LRP1B: variants seen among roughly 807,000 people sequenced by gnomAD.
LRP1B encodes LDL receptor related protein 1B, also known as low-density lipoprotein receptor-related protein 1B.
In LRP1B, 217 loss-of-function variants were observed where a neutral mutation model predicts 556.6. The ratio of observed to expected loss-of-function variants is 0.39; its 90% CI spans 0.35 to 0.44. The LOEUF is 0.44. Ranked by LOEUF, LRP1B falls within the 20% of genes least tolerant of loss-of-function variation. LRP1B has a pLI of 1.00. For missense variants in LRP1B, 5,053 were observed against 5,620.8 expected (o/e 0.90, Z 3.23); for synonymous variants, 2,047 against 1,865.8 (o/e 1.10, Z -2.50).
intron 5 of LRP1B, among the ~76,000 whole-genome samples, chr2:141,232,857 T>C (rs777226828): frequency 2.0e-5 from 3 of 152,116 alleles, no homozygotes; most frequent in Non-Finnish European, 4.4e-5. Context: ...AGGTCAAATA[T>C]GGAGGAAGGA....
chr2:140,653,039 C>A (rs1388588665), intron 41 of LRP1B, among the ~76,000 whole-genome samples: 1 of 151,910 alleles, frequency 6.6e-6, no homozygotes, highest in African/African-American at 2.4e-5. Context: ...ACAGGAAAGA[C>A]CCAGACCAAA....
intron 43 of LRP1B, among the ~76,000 whole-genome samples, chr2:140,571,007 G>A (rs892558960): frequency 4.2e-4 from 64 of 151,672 alleles, no homozygotes; most frequent in African/African-American, 1.5e-3. Context: ...AAGTAAATAA[G>A]TAATGCATAA....
intron 35 of LRP1B, among the ~76,000 whole-genome samples, chr2:140,748,591 G>GTATGTATA (rs1688431582): frequency 1.4e-5 from 1 of 73,330 alleles, no homozygotes; most frequent in African/African-American, 5.4e-5. Context: ...TATACAGTGT[G>GTATGTATA]TATATATATA....
At chr2:140,258,251 A>G (rs1433934070) in intron 86 of LRP1B, among the ~76,000 whole-genome samples, 2 of 151,658 alleles carry the variant, frequency 1.3e-5, no homozygotes, top group African/African-American at 4.8e-5. Flanking sequence ...AACTCAGATC[A>G]CTCTCTAAAT....
intron 1 of LRP1B, among the ~76,000 whole-genome samples, chr2:141,947,500 C>A (rs536462492): frequency 6.6e-6 from 1 of 151,584 alleles, no homozygotes. Flanking sequence ...CCCAAAACAC[C>A]AAATGTCTCT....
chr2:140,825,477 C>A (rs1305013356), intron 31 of LRP1B, among the ~76,000 whole-genome samples: 1 of 151,814 alleles, frequency 6.6e-6, no homozygotes, highest in East Asian at 1.9e-4. Context: ...TACAAACCAA[C>A]ATGTGGATCT....
intron 2 of LRP1B, among the ~76,000 whole-genome samples, chr2:141,617,565 T>C (rs935525825): frequency 2.0e-5 from 3 of 152,210 alleles, no homozygotes; most frequent in African/African-American, 7.2e-5. Context: ...ACTTAGCCAA[T>C]ATTTTCTTAG....
chr2:141,760,185 T>C (rs775357810), intron 2 of LRP1B, among the ~76,000 whole-genome samples: 2 of 152,212 alleles, frequency 1.3e-5, no homozygotes, highest in Non-Finnish European at 2.9e-5. Flanking sequence ...ATGTTCATTA[T>C]GAAATTGATA....
chr2:141,550,833 C>T (rs942759938), intron 2 of LRP1B, among the ~76,000 whole-genome samples: 24 of 152,028 alleles, frequency 1.6e-4, no homozygotes, highest in African/African-American at 5.3e-4. Flanking sequence ...AGAACAAGTC[C>T]TCATCTACTT....
At chr2:140,855,261 G>C (rs1692579229) in intron 27 of LRP1B, among the ~76,000 whole-genome samples, 1 of 150,834 alleles carries the variant, frequency 6.6e-6, no homozygotes. Flanking sequence ...TCCATTTCCT[G>C]CATGGATTGT....
At chr2:140,492,479 C>A in intron 57 of LRP1B, 129 bp downstream of exon 57, 1 of 625,762 alleles carries the variant, frequency 1.6e-6, no homozygotes, top group East Asian at 2.6e-5. Context: ...TAAATATTTT[C>A]AAAGAAAATA....
At position 140,533,545 on chromosome 2, in the gene LRP1B, G is replaced by A. The variant is rs576919310; in HGVS notation, c.7762+476C>T. On this transcript the variant is annotated intron_variant, in intron 47 of 90. Transcript: ENST00000389484. ...AACCAGGTAAAGGCATACTCTGTTA[G>A]CCCAGGCTTAAAGTGGATTGAAATG... Among the ~76,000 whole-genome samples, 10 of 152,212 alleles carry A rather than the reference G, an allele frequency of 6.6e-5. No homozygotes were observed. In the South Asian group the frequency reaches 2.1e-3, roughly 32 times the overall value.
At chr2:141,288,098 A>G (rs1392556195) in intron 3 of LRP1B, among the ~76,000 whole-genome samples, 1 of 152,048 alleles carries the variant, frequency 6.6e-6, no homozygotes, top group Non-Finnish European at 1.5e-5. Context: ...TTCCAATCCA[A>G]TTGTCTATCT....
At chr2:141,455,765 G>C (rs942027039) in intron 3 of LRP1B, among the ~76,000 whole-genome samples, 1 of 152,130 alleles carries the variant, frequency 6.6e-6, no homozygotes, top group Non-Finnish European at 1.5e-5. Flanking sequence ...AAGCACAAAG[G>C]AAGAGACAGA....
rs1480168586 is a variant in LRP1B, at chr2:140,683,240, G to A, written c.6799+17010C>T. On this transcript the variant is annotated intron_variant, in intron 41 of 90. Coordinates refer to ENST00000389484, the MANE Select transcript of LRP1B (RefSeq NM_018557.3). ...TAGGAGGGTTATTGAACACTGGTCT[G>A]TGTATCCCAGATGAGGGATCACTGG... 2.2e-5 allele frequency: 7 copies of A among 319,500 alleles called. No homozygotes were observed. In the East Asian group the frequency reaches 6.0e-4, roughly 27 times the overall value. 19.8% of individuals were successfully genotyped at this position (319,500 alleles called of 1,614,324 possible).
chr2:140,258,794 G>A (rs756503450), intron 86 of LRP1B, among the ~76,000 whole-genome samples: 5 of 152,090 alleles, frequency 3.3e-5, no homozygotes, highest in East Asian at 1.9e-4. Context: ...TCCTGACAGC[G>A]TAGACGGTCC....
intron 3 of LRP1B, among the ~76,000 whole-genome samples, chr2:141,279,211 G>T (rs967392296): frequency 6.6e-6 from 1 of 151,918 alleles, no homozygotes; most frequent in Non-Finnish European, 1.5e-5. Context: ...TAAATGAATT[G>T]ATTATGCACC....
chr2:142,013,393 T>C (rs1002298635), intron 1 of LRP1B, among the ~76,000 whole-genome samples: 22 of 152,178 alleles, frequency 1.4e-4, no homozygotes, highest in Non-Finnish European at 1.0e-4. Context: ...GTTGGCACTT[T>C]CTTTACTGCT....
intron 6 of LRP1B, among the ~76,000 whole-genome samples, chr2:141,207,128 A>T (rs1260813262): frequency 2.0e-5 from 3 of 152,198 alleles, no homozygotes; most frequent in African/African-American, 7.2e-5. Context: ...TCATTTCCAA[A>T]GGCACATTCT....
Sources: allele counts gnomAD v4.1 joint callset (sites outside exome capture counted in the v4.1 genomes callset), GRCh38; gene constraint gnomAD v4.1.1; transcripts MANE v1.5; gene names NCBI Gene and HGNC (gene_info 2026-07-23, HGNC 2026-07-21).